The following GRIA4 variants were observed in gnomAD, a reference collection of about 807,000 sequenced individuals.
GRIA4 encodes the protein glutamate ionotropic receptor AMPA type subunit 4.
Under a neutral mutation model 104.0 loss-of-function variants are expected in GRIA4, and 34 were observed. That is an observed-to-expected ratio of 0.33 (90% confidence interval 0.25 to 0.44). The LOEUF is 0.44. GRIA4 is among the 20% of genes least tolerant of loss of function. The probability of loss-of-function intolerance (pLI) is 1.00; values close to 1 mark genes in which losing one functional copy is unlikely to be tolerated. For missense variants in GRIA4, 750 were observed against 1,096.5 expected (o/e 0.68, Z 4.46); for synonymous variants, 386 against 381.9 (o/e 1.01, Z -0.13).
intron 14 of GRIA4, among the ~76,000 whole-genome samples, chr11:105,936,260 G>C (rs1259772555): frequency 6.6e-6 from 1 of 152,178 alleles, no homozygotes; most frequent in East Asian, 1.9e-4. Context: ...CTGTATAAAT[G>C]ATTTAGTTTG....
At chr11:105,771,461 T>A (rs1437141681) in intron 4 of GRIA4, among the ~76,000 whole-genome samples, 3 of 152,080 alleles carry the variant, frequency 2.0e-5, no homozygotes, top group Non-Finnish European at 4.4e-5. Flanking sequence ...TAACTAAGAT[T>A]TTGATATGAA....
chr11:105,611,163 A>C, intron 2 of GRIA4, 78 bp downstream of exon 2: 3 of 1,001,532 alleles, frequency 3.0e-6, no homozygotes, highest in Non-Finnish European at 4.8e-6. Context: ...AGTTGCTGAT[A>C]AGCAATTCAG....
intron 5 of GRIA4, among the ~76,000 whole-genome samples, chr11:105,871,473 C>T (rs1945612725): frequency 6.7e-6 from 1 of 149,686 alleles, no homozygotes; most frequent in Admixed American, 6.7e-5. Context: ...ATAGTTAGAC[C>T]TTTGGGATTT....
chr11:105,657,662 AAT>A (rs1289667704), intron 3 of GRIA4, among the ~76,000 whole-genome samples: 1 of 151,920 alleles, frequency 6.6e-6, no homozygotes, highest in East Asian at 1.9e-4. Flanking sequence ...TCCCTTGGAA[AAT>A]CAGATTAGAT....
chr11:105,898,965 A>G (rs1946760043), intron 7 of GRIA4, among the ~76,000 whole-genome samples: 1 of 152,192 alleles, frequency 6.6e-6, no homozygotes, highest in African/African-American at 2.4e-5. Flanking sequence ...TGATCAAACT[A>G]AACAGATAGA....
At chr11:105,916,983 G>T (rs1172166654) in intron 10 of GRIA4, among the ~76,000 whole-genome samples, 1 of 151,938 alleles carries the variant, frequency 6.6e-6, no homozygotes, top group African/African-American at 2.4e-5. Flanking sequence ...ATAAGAATTA[G>T]CTCCTAATAA....
At chr11:105,770,584 C>T (rs1013755179) in intron 4 of GRIA4, among the ~76,000 whole-genome samples, 5 of 151,914 alleles carry the variant, frequency 3.3e-5, no homozygotes, top group Admixed American at 2.0e-4. Context: ...ATCCAATTTC[C>T]TCCTATTTTC....
At chr11:105,819,525 G>A (rs1163836580) in intron 4 of GRIA4, among the ~76,000 whole-genome samples, 1 of 152,124 alleles carries the variant, frequency 6.6e-6, no homozygotes, top group African/African-American at 2.4e-5. Context: ...CGTTGACAGT[G>A]TACCAAAAAT....
At chr11:105,963,674 T>C (rs1016085787) in intron 14 of GRIA4, among the ~76,000 whole-genome samples, 1 of 152,080 alleles carries the variant, frequency 6.6e-6, no homozygotes, top group African/African-American at 2.4e-5. Context: ...AACTAAACTG[T>C]TTTTACATGG....
intron 3 of GRIA4, among the ~76,000 whole-genome samples, chr11:105,731,812 G>T (rs952685761): frequency 6.6e-6 from 1 of 152,046 alleles, no homozygotes; most frequent in African/African-American, 2.4e-5. Context: ...TCACTCATAA[G>T]TGGGAGTTGA....
At chr11:105,757,388 G>C (rs1267037297) in intron 4 of GRIA4, among the ~76,000 whole-genome samples, 2 of 152,086 alleles carry the variant, frequency 1.3e-5, no homozygotes, top group Non-Finnish European at 1.5e-5. Context: ...CTAACAAGGG[G>C]AATGAATCAG....
chr11:105,873,725 G>A (rs1252781702), intron 5 of GRIA4, among the ~76,000 whole-genome samples: 1 of 152,164 alleles, frequency 6.6e-6, no homozygotes, highest in Non-Finnish European at 1.5e-5. Context: ...CTTCTTTTGA[G>A]AAGTGTCTGT....
intron 3 of GRIA4, among the ~76,000 whole-genome samples, chr11:105,661,431 TAGCCC>T (rs1378770843): frequency 6.6e-6 from 1 of 151,732 alleles, no homozygotes; most frequent in Non-Finnish European, 1.5e-5. Flanking sequence ...TAATATTATG[TAGCCC>T]TTATTTGGAT....
chr11:105,970,948 C>T (rs1326714246), intron 14 of GRIA4, among the ~76,000 whole-genome samples: 1 of 152,050 alleles, frequency 6.6e-6, no homozygotes, highest in Non-Finnish European at 1.5e-5. Flanking sequence ...TGTCCTCCTC[C>T]CTGAAACTCC....
chr11:105,855,650 A>G (rs1944983591), intron 4 of GRIA4, among the ~76,000 whole-genome samples: 1 of 152,178 alleles, frequency 6.6e-6, no homozygotes, highest in Non-Finnish European at 1.5e-5. Context: ...TACTTAAAAT[A>G]GAAACACATT....
intron 4 of GRIA4, among the ~76,000 whole-genome samples, chr11:105,857,027 CATAA>C (rs1246862051): frequency 1.3e-5 from 2 of 152,068 alleles, no homozygotes; most frequent in African/African-American, 4.8e-5. Context: ...TGAACTACGG[CATAA>C]ATAAATACTA....
At chr11:105,917,815 G>GGTGTGTGGGTGTGT (rs1555047935) in intron 10 of GRIA4, among the ~76,000 whole-genome samples, 1 of 142,690 alleles carries the variant, frequency 7.0e-6, no homozygotes, top group Non-Finnish European at 1.5e-5. Context: ...TTGGTTTAAG[G>GGTGTGTGGGTGTGT]GTGTGTGTGT....
chr11:105,900,393 G>A (rs916498486), intron 7 of GRIA4, among the ~76,000 whole-genome samples: 3 of 151,980 alleles, frequency 2.0e-5, no homozygotes, highest in Admixed American at 2.0e-4. Flanking sequence ...ATGATCCTCT[G>A]CCTCCTTTCT....
At chr11:105,758,869 T>G (rs1467805610) in intron 4 of GRIA4, among the ~76,000 whole-genome samples, 1 of 152,156 alleles carries the variant, frequency 6.6e-6, no homozygotes, top group Admixed American at 6.6e-5. Flanking sequence ...AATATTTTGA[T>G]GTTAAATGGA....
Sources: allele counts gnomAD v4.1 joint callset (sites outside exome capture counted in the v4.1 genomes callset), GRCh38; gene constraint gnomAD v4.1.1; transcripts MANE v1.5; gene names NCBI Gene and HGNC (gene_info 2026-07-23, HGNC 2026-07-21).